Variants in GDPD5 observed in about 807,000 individuals in gnomAD.
GDPD5 encodes the protein glycerophosphodiester phosphodiesterase 2.
Under a neutral mutation model 75.1 loss-of-function variants are expected in GDPD5, and 48 were observed. The ratio of observed to expected loss-of-function variants is 0.64; its 90% CI spans 0.51 to 0.81. The LOEUF is 0.81. Among genes scored for constraint, GDPD5 ranks in the 40% least tolerant of loss-of-function variants. The probability of loss-of-function intolerance (pLI) is 0.00; values close to 1 mark genes in which losing one functional copy is unlikely to be tolerated. For synonymous variants in GDPD5, 336 were observed against 339.0 expected, an observed-to-expected ratio of 0.99 and a Z score of 0.10; for missense variants, 706 against 822.6, an observed-to-expected ratio of 0.86 and a Z score of 1.73.
At chr11:75,511,871 G>A (rs146608625) in intron 1 of GDPD5, among the ~76,000 whole-genome samples, 2,799 of 152,316 alleles carry the variant, frequency 0.018, 173 homozygotes, top group Admixed American at 0.12. Flanking sequence ...GCCATTGGGC[G>A]GGGGGACCCC....
chr11:75,465,208 C>T (rs1333338125), intron 3 of GDPD5, among the ~76,000 whole-genome samples: 1 of 152,236 alleles, frequency 6.6e-6, no homozygotes, highest in African/African-American at 2.4e-5. Flanking sequence ...CTGTCTGGCC[C>T]AGGCCAGCTC....
intron 1 of GDPD5, among the ~76,000 whole-genome samples, chr11:75,524,727 C>A (rs1941597150): frequency 6.6e-6 from 1 of 152,208 alleles, no homozygotes; most frequent in Non-Finnish European, 1.5e-5. Flanking sequence ...GGGAGAGAAG[C>A]TTTGGAACTG....
At chr11:75,461,973 C>T (rs558252433) in intron 4 of GDPD5, among the ~76,000 whole-genome samples, 67 of 152,288 alleles carry the variant, frequency 4.4e-4, no homozygotes, top group African/African-American at 1.6e-3. Flanking sequence ...AACAGGTGCC[C>T]CTCCTGTACC....
chr11:75,521,762 T>C (rs150987311), intron 1 of GDPD5, among the ~76,000 whole-genome samples: 1 of 151,766 alleles, frequency 6.6e-6, no homozygotes, highest in African/African-American at 2.4e-5. Context: ...GGGAGGTAAG[T>C]GGAGCAGAGG....
Position 75,442,543 on chromosome 11 carries a change from G to A in GDPD5, c.987C>T (p.Ser329=), listed in dbSNP as rs1295841077. 15 of 1,614,066 alleles carry A rather than the reference G, an allele frequency of 9.3e-6. No individual in the cohort carries two copies. The highest frequency in any genetic ancestry group is 1.6e-4 in the Middle Eastern group (1 of 6,084). ...ACTGGTTCTGGGCCTCTCTGTGGTC[G>A]GAGGGTGACAGGGAGCTGGCTGTCC... The part of the protein sequence containing the change: ...PFWTASSLSP[S]DHREAQNQSI... Residue 329 remains serine (S), a synonymous_variant, in exon 12 of 17, where the codon TCC becomes TCT. Coordinates refer to ENST00000336898, the MANE Select transcript of GDPD5 (RefSeq NM_030792.8).
At chr11:75,509,881 T>C (rs929019874) in intron 1 of GDPD5, among the ~76,000 whole-genome samples, 1 of 152,214 alleles carries the variant, frequency 6.6e-6, no homozygotes, top group Non-Finnish European at 1.5e-5. Flanking sequence ...GGTTTCACCA[T>C]GTTGGCCAGG....
At chr11:75,523,821 T>C (rs1941560677) in intron 1 of GDPD5, among the ~76,000 whole-genome samples, 2 of 152,182 alleles carry the variant, frequency 1.3e-5, no homozygotes, top group South Asian at 4.1e-4. Context: ...CCCCTAACCC[T>C]TCCACCCCCA....
intron 3 of GDPD5, among the ~76,000 whole-genome samples, chr11:75,476,721 A>G (rs1041879822): frequency 2.0e-5 from 3 of 151,974 alleles, no homozygotes; most frequent in Admixed American, 1.3e-4. Flanking sequence ...GCTTTTCACT[A>G]TTTGGAGGTG....
rs566310215 is a variant in GDPD5 at position 75,458,851 on chromosome 11, T to C, written c.222-1065A>G. ...AGGCTGGAGTGCAGGGATGCGAACATGGCTCACTGAAGCTTTGACCTCCTG... is the reference window on the plus strand; with the variant it reads ...AGGCTGGAGTGCAGGGATGCGAACACGGCTCACTGAAGCTTTGACCTCCTG... On this transcript the variant is annotated intron_variant, in intron 4 of 16. Transcript: ENST00000336898. 1.2e-4 allele frequency among the ~76,000 whole-genome samples: 18 copies of C among 152,266 alleles called. No individual in the cohort carries two copies. In the South Asian group the frequency reaches 3.7e-3, roughly 32 times the overall value.
Position 75,511,276 on chromosome 11 carries a change from G to A in GDPD5, c.-145+13934C>T, listed in dbSNP as rs139690893. 2.0e-5 allele frequency among the ~76,000 whole-genome samples: 3 copies of A among 152,316 alleles called. No homozygotes were observed. In the East Asian group the frequency reaches 5.8e-4, roughly 29 times the overall value. On this transcript the variant is annotated intron_variant, in intron 1 of 16. Transcript: ENST00000336898. ...CTGGGCCAGGAAACTAGCTCTGGCT[G>A]GGGGTTTCCTTGCACAAAACAGCAA...
At chr11:75,524,071 G>A (rs908025240) in intron 1 of GDPD5, among the ~76,000 whole-genome samples, 1 of 152,228 alleles carries the variant, frequency 6.6e-6, no homozygotes, top group African/African-American at 2.4e-5. Flanking sequence ...CATGCCTTGG[G>A]GGCAGCAGAA....
intron 6 of GDPD5, among the ~76,000 whole-genome samples, chr11:75,454,960 G>A (rs1175490582): frequency 6.6e-6 from 1 of 152,198 alleles, no homozygotes; most frequent in Non-Finnish European, 1.5e-5. Flanking sequence ...AGGCCCTGCT[G>A]GAACACTCTG....
chr11:75,435,952 T>A (rs1001066824), intron 16 of GDPD5, among the ~76,000 whole-genome samples: 1 of 152,150 alleles, frequency 6.6e-6, no homozygotes, highest in Non-Finnish European at 1.5e-5. Flanking sequence ...TGTCAGCCCC[T>A]CTCTTAGGAG....
In GDPD5 at chr11:75,465,854, C is replaced by T. The variant is rs146589859; in HGVS notation, c.118-2965G>A. 5.3e-5 allele frequency among the ~76,000 whole-genome samples: 8 copies of T among 152,310 alleles called. No homozygotes were observed. The East Asian group carries it at 9.7e-4, about 18-fold the overall frequency. On this transcript the variant is annotated intron_variant, in intron 3 of 16. Transcript: ENST00000336898. ...TGGTCCCAGGCAAGTAGCCTGGAGG[C>T]GGGAAGGTAAAGCACCTCCTGTAGG...
chr11:75,442,969 TG>T, intron 11 of GDPD5, 166 bp downstream of exon 11: 1 of 734,878 alleles, frequency 1.4e-6, no homozygotes, highest in African/African-American at 1.7e-5. Flanking sequence ...ACCATGAGTC[TG>T]GCAGCAGTGG....
chr11:75,503,508 C>A (rs1197953863), intron 1 of GDPD5, among the ~76,000 whole-genome samples: 5 of 152,224 alleles, frequency 3.3e-5, no homozygotes, highest in African/African-American at 1.2e-4. Context: ...TGAACCCAGG[C>A]AGTTTAGCCT....
At chr11:75,515,665 C>G (rs781180079) in intron 1 of GDPD5, among the ~76,000 whole-genome samples, 15 of 152,216 alleles carry the variant, frequency 9.9e-5, no homozygotes, top group Non-Finnish European at 1.6e-4. Flanking sequence ...GTGGCCACAT[C>G]ATGGCCAGCT....
intron 1 of GDPD5, among the ~76,000 whole-genome samples, chr11:75,494,009 A>G (rs963902686): frequency 3.9e-5 from 6 of 152,306 alleles, no homozygotes; most frequent in African/African-American, 1.4e-4. Flanking sequence ...GAATACTAGA[A>G]CTGTGAATAG....
In GDPD5 at chr11:75,442,430, G is replaced by A; in HGVS notation, c.1100C>T (p.Pro367Leu). 1 of 1,610,098 alleles carries A rather than the reference G, an allele frequency of 6.2e-7. No homozygotes were observed. Among genetic ancestry groups the A allele is most frequent in the Non-Finnish European group, 8.5e-7 (1 of 1,178,372 alleles). Residue 367 changes from proline to leucine, a missense_variant, in exon 12 of 17, where the codon CCC becomes CTC. Coordinates refer to ENST00000336898, the MANE Select transcript of GDPD5 (RefSeq NM_030792.8). ...CACGTTGATAAAACTGCTGCGGTAGGGGTGCTCCCGGGGCGGGTCACGCAG... is the reference window on the plus strand; with the variant it reads ...CACGTTGATAAAACTGCTGCGGTAGAGGTGCTCCCGGGGCGGGTCACGCAG... The part of the protein sequence containing the change: ...LNLRDPPREH[P>L]YRSSFINVTL...
Sources: allele counts gnomAD v4.1 joint callset (sites outside exome capture counted in the v4.1 genomes callset), GRCh38; gene constraint gnomAD v4.1.1; transcripts MANE v1.5; gene names NCBI Gene and HGNC (gene_info 2026-07-23, HGNC 2026-07-21).